The following ACER3 variants were observed in gnomAD, a reference collection of about 807,000 sequenced individuals.
ACER3 encodes the protein alkCDase 3.
ACER3 carries 16 observed loss-of-function variants against 48.9 expected under a neutral mutation model. The ratio of observed to expected loss-of-function variants is 0.33; its 90% CI spans 0.22 to 0.50. The LOEUF is 0.50. ACER3 is among the 20% of genes least tolerant of loss of function. ACER3 has a pLI of 0.98. For synonymous variants in ACER3, 109 were observed against 107.8 expected, an observed-to-expected ratio of 1.01 and a Z score of -0.07; for missense variants, 227 against 326.0, an observed-to-expected ratio of 0.70 and a Z score of 2.34.
intron 1 of ACER3, among the ~76,000 whole-genome samples, chr11:76,915,389 T>C (rs1407189756): frequency 2.6e-5 from 4 of 152,036 alleles, no homozygotes; most frequent in African/African-American, 7.2e-5. Flanking sequence ...CAGGGAGTTA[T>C]ACACATGCCC....
intron 1 of ACER3, among the ~76,000 whole-genome samples, chr11:76,913,518 G>C (rs1465609800): frequency 2.7e-5 from 4 of 145,652 alleles, no homozygotes; most frequent in Non-Finnish European, 6.2e-5. Context: ...GTCATAAATA[G>C]TTCTTATTAT....
chr11:76,877,271 T>TA (rs1286763032), intron 1 of ACER3, among the ~76,000 whole-genome samples: 7 of 150,804 alleles, frequency 4.6e-5, no homozygotes, highest in African/African-American at 1.7e-4. Flanking sequence ...CGCTCTAACA[T>TA]ATGTTCTTTA....
chr11:76,923,576 T>C (rs947744492), intron 1 of ACER3, among the ~76,000 whole-genome samples: 1 of 152,252 alleles, frequency 6.6e-6, no homozygotes, highest in Non-Finnish European at 1.5e-5. Flanking sequence ...TGTTAGGTGC[T>C]GAATAACTTT....
intron 3 of ACER3, among the ~76,000 whole-genome samples, chr11:76,960,247 A>G (rs112196960): frequency 3.9e-4 from 60 of 152,108 alleles, no homozygotes; most frequent in African/African-American, 1.3e-3. Context: ...CGTCTCTACT[A>G]AAAATACAAA....
intron 7 of ACER3, 62 bp from the exon 8 acceptor site, chr11:77,014,954 A>G (rs1555022957): frequency 2.0e-6 from 2 of 1,017,670 alleles, no homozygotes; most frequent in Non-Finnish European, 3.1e-6. Flanking sequence ...GATGGCTTCA[A>G]TTTCTGATCG....
chr11:76,959,774 G>A (rs1232998451), intron 3 of ACER3, among the ~76,000 whole-genome samples: 2 of 151,596 alleles, frequency 1.3e-5, no homozygotes, highest in East Asian at 2.0e-4. Flanking sequence ...GGCTGGTCTC[G>A]AACTCCTGAC....
At chr11:76,910,089 G>A (rs1242018667) in intron 1 of ACER3, among the ~76,000 whole-genome samples, 7 of 150,694 alleles carry the variant, frequency 4.6e-5, no homozygotes, top group Non-Finnish European at 5.9e-5. Context: ...ATGGGCACAG[G>A]GAGGGGAACA....
intron 8 of ACER3, among the ~76,000 whole-genome samples, chr11:77,015,808 A>G (rs1287115672): frequency 6.6e-6 from 1 of 152,168 alleles, no homozygotes; most frequent in Non-Finnish European, 1.5e-5. Context: ...CTCTTCGACA[A>G]ATAAATTGCA....
intron 4 of ACER3, among the ~76,000 whole-genome samples, chr11:76,979,250 A>G (rs1002126399): frequency 5.3e-5 from 8 of 152,274 alleles, no homozygotes; most frequent in Admixed American, 5.2e-4. Flanking sequence ...ACCTCTCTCA[A>G]AGTTAATGGT....
chr11:76,914,786 G>A (rs565215858), intron 1 of ACER3, among the ~76,000 whole-genome samples: 21 of 152,262 alleles, frequency 1.4e-4, no homozygotes, highest in African/African-American at 4.8e-4. Context: ...GCAAAGACTT[G>A]GAACCAACCC....
intron 3 of ACER3, among the ~76,000 whole-genome samples, chr11:76,962,259 C>T (rs1367080595): frequency 7.1e-6 from 1 of 140,346 alleles, no homozygotes; most frequent in Non-Finnish European, 1.5e-5. Context: ...CTCTGTCGCC[C>T]AGAGTGACAC....
intron 1 of ACER3, among the ~76,000 whole-genome samples, chr11:76,902,048 A>ATT (rs34230393): frequency 6.7e-6 from 1 of 150,180 alleles, no homozygotes; most frequent in African/African-American, 2.5e-5. Flanking sequence ...CCCTTGTGGC[A>ATT]TTTTTTTTTT....
intron 2 of ACER3, 97 bp downstream of exon 2, chr11:76,926,764 A>G (rs957171828): frequency 1.2e-5 from 9 of 748,036 alleles, no homozygotes; most frequent in African/African-American, 1.8e-5. Flanking sequence ...GTGTTATTAC[A>G]TAACTTGAAT....
chr11:76,904,651 A>T (rs1407898902), intron 1 of ACER3, among the ~76,000 whole-genome samples: 1 of 152,152 alleles, frequency 6.6e-6, no homozygotes, highest in Non-Finnish European at 1.5e-5. Flanking sequence ...AAAAATAAAA[A>T]AATAAAATGA....
At chr11:76,984,214 C>T (rs1235120936) in intron 4 of ACER3, among the ~76,000 whole-genome samples, 2 of 152,188 alleles carry the variant, frequency 1.3e-5, no homozygotes, top group Non-Finnish European at 2.9e-5. Flanking sequence ...AACTCATTGT[C>T]TGAGGAAGGG....
At chr11:76,913,861 G>A (rs988482118) in intron 1 of ACER3, among the ~76,000 whole-genome samples, 5 of 152,108 alleles carry the variant, frequency 3.3e-5, no homozygotes, top group Admixed American at 6.6e-5. Flanking sequence ...ATATAGACCA[G>A]TGGAATAGAA....
At chr11:77,017,290 T>C (rs1949389754) in intron 9 of ACER3, among the ~76,000 whole-genome samples, 1 of 150,704 alleles carries the variant, frequency 6.6e-6, no homozygotes, top group South Asian at 2.1e-4. Flanking sequence ...AAATCAGAAA[T>C]AAAAGAAGAG....
At chr11:76,997,592 T>C (rs1347361313) in intron 6 of ACER3, among the ~76,000 whole-genome samples, 1 of 152,176 alleles carries the variant, frequency 6.6e-6, no homozygotes, top group South Asian at 2.1e-4. Flanking sequence ...CCAGAGCTAT[T>C]CATATACATA....
Position 77,020,462 on chromosome 11 carries a change from G to A in ACER3, c.*135G>A. ...GAGGAGTGACTTTCTGACTAATGCTGCCACCCACACAGAGAATAAGGAGTA... is the reference window on the plus strand; with the variant it reads ...GAGGAGTGACTTTCTGACTAATGCTACCACCCACACAGAGAATAAGGAGTA... On this transcript the variant is annotated 3_prime_UTR_variant, in exon 11 of 11. Transcript: ENST00000532485. 1.0e-6 allele frequency: 1 copy of A among 952,634 alleles called. No individual in the cohort carries two copies. The highest frequency in any genetic ancestry group is 1.6e-6 in the Non-Finnish European group (1 of 639,790). The allele number at this position is 952,634 out of a possible 1,614,324, so 59.0% of individuals were successfully genotyped here.
Sources: allele counts gnomAD v4.1 joint callset (sites outside exome capture counted in the v4.1 genomes callset), GRCh38; gene constraint gnomAD v4.1.1; transcripts MANE v1.5; gene names NCBI Gene and HGNC (gene_info 2026-07-23, HGNC 2026-07-21).